The following CHRNA5 variants were observed in gnomAD, a reference collection of about 807,000 sequenced individuals.
CHRNA5 encodes cholinergic receptor nicotinic alpha 5 subunit.
In CHRNA5, 28 loss-of-function variants were observed where a neutral mutation model predicts 41.2. The ratio of observed to expected loss-of-function variants is 0.68; its 90% CI spans 0.50 to 0.93. CHRNA5 has a LOEUF of 0.93. Ranked by LOEUF, CHRNA5 falls within the 40% of genes least tolerant of loss-of-function variation. The probability of loss-of-function intolerance (pLI) is 0.00; values close to 1 mark genes in which losing one functional copy is unlikely to be tolerated. For missense variants in CHRNA5, 481 were observed against 581.9 expected (o/e 0.83, Z 1.78); for synonymous variants, 188 against 205.8 (o/e 0.91, Z 0.74).
chr15:78,565,530 C>G (rs906355297), exon 1 of CHRNA5: 8 of 206,898 alleles, frequency 3.9e-5, no homozygotes, highest in South Asian at 1.9e-4. Context: ...ACATGCGTCC[C>G]GAGCCCGCCA....
chr15:78,578,233 C>T (rs950281632), intron 1 of CHRNA5, among the ~76,000 whole-genome samples: 7 of 152,132 alleles, frequency 4.6e-5, no homozygotes, highest in Non-Finnish European at 1.0e-4. Flanking sequence ...TACTGCCTGG[C>T]GCAGTGGCTC....
chr15:78,579,635 T>C (rs1262784051), intron 1 of CHRNA5, among the ~76,000 whole-genome samples: 1 of 152,182 alleles, frequency 6.6e-6, no homozygotes. Flanking sequence ...TGGAAAGAGA[T>C]CATTCCTGTC....
intron 1 of CHRNA5, among the ~76,000 whole-genome samples, chr15:78,568,821 T>C (rs1409813817): frequency 6.6e-6 from 1 of 152,228 alleles, no homozygotes; most frequent in Non-Finnish European, 1.5e-5. Context: ...CTCATTCTTT[T>C]TTATGGCTGC....
rs1412015317 is a variant in CHRNA5 at position 78,565,766 on chromosome 15, T to C, written c.47T>C (p.Leu16Ser). The change falls in exon 1 of 6, where the codon TTG becomes TCG. Residue 16 changes from leucine (L) to serine (S), a missense_variant. Physicochemically the swap from Leu to Ser is moderately radical, Grantham distance 145. Coordinates refer to ENST00000299565, the Ensembl canonical transcript of CHRNA5. Reference sequence around the variant, plus strand: ...CCCCGCGCGCTCCGCCTGCTGCTCTTGGTCCAGCTGGTCGCGGGGCGCTGC... The same window carrying C: ...CCCCGCGCGCTCCGCCTGCTGCTCTCGGTCCAGCTGGTCGCGGGGCGCTGC... 2.5e-6 allele frequency: 3 copies of C among 1,215,382 alleles called. No homozygotes were observed. The highest frequency in any genetic ancestry group is 3.2e-4 in the Middle Eastern group (1 of 3,162). 75.3% of individuals were successfully genotyped at this position (1,215,382 alleles called of 1,614,324 possible). A position where few individuals can be genotyped will look rare whatever the true frequency, so the allele number is the denominator to read the frequency against.
intron 5 of CHRNA5, 177 bp downstream of exon 5, chr15:78,590,813 A>C: frequency 1.7e-6 from 1 of 585,336 alleles, no homozygotes; most frequent in Non-Finnish European, 2.9e-6. Context: ...GTTTCAGTTA[A>C]AGCACCTGCA....
At chr15:78,589,943 T>G in exon 5 of CHRNA5, 1 of 1,614,168 alleles carries the variant, frequency 6.2e-7, no homozygotes, top group Non-Finnish European at 8.5e-7. Context: ...TTCAGAACTG[T>G]TCCATGAAAT....
chr15:78,591,608 C>T (rs1009460872), intron 5 of CHRNA5, among the ~76,000 whole-genome samples: 3 of 152,120 alleles, frequency 2.0e-5, no homozygotes, highest in Non-Finnish European at 4.4e-5. Flanking sequence ...CTGGCAAAAT[C>T]ACAGCCTTTA....
intron 4 of CHRNA5, chr15:78,589,162 A>G (rs2141420436): frequency 6.6e-6 from 1 of 152,340 alleles, no homozygotes; most frequent in South Asian, 2.1e-4. Context: ...CAGTAATTGA[A>G]AACATTTTTA....
chr15:78,565,596 C>G (rs1297206749), exon 1 of CHRNA5: 1 of 237,880 alleles, frequency 4.2e-6, no homozygotes, highest in Admixed American at 5.7e-5. Flanking sequence ...GGAGCGGCCC[C>G]TCTGCTGCGT....
At chr15:78,570,422 C>CTA in intron 1 of CHRNA5, among the ~76,000 whole-genome samples, 1 of 66,292 alleles carries the variant, frequency 1.5e-5, no homozygotes, top group East Asian at 1.3e-3. Flanking sequence ...CCAATCCCGG[C>CTA]TATTTTTTTT....
intron 2 of CHRNA5, among the ~76,000 whole-genome samples, chr15:78,582,721 G>C (rs558796046): frequency 2.0e-5 from 3 of 152,264 alleles, no homozygotes; most frequent in Non-Finnish European, 4.4e-5. Flanking sequence ...TGGCAGAGAG[G>C]AAAAGTATTT....
intron 1 of CHRNA5, among the ~76,000 whole-genome samples, chr15:78,577,010 T>A (rs759354729): frequency 4.6e-5 from 7 of 152,180 alleles, no homozygotes; most frequent in Admixed American, 6.5e-5. Context: ...AATGTCGATG[T>A]TGTCTGTTTT....
chr15:78,593,886 TG>T (rs1190095017), exon 6 of CHRNA5: 1 of 150,698 alleles, frequency 6.6e-6, no homozygotes, highest in Non-Finnish European at 1.5e-5. Context: ...ACTAAAAATA[TG>T]AAATTAGCCA....
chr15:78,587,666 T>C (rs75355296), intron 3 of CHRNA5, among the ~76,000 whole-genome samples: 1 of 60,500 alleles, frequency 1.7e-5, no homozygotes, highest in Admixed American at 2.6e-4. Flanking sequence ...ATGAAATGAA[T>C]TTTTTTTTAA....
At chr15:78,581,135 T>A (rs529694668) in intron 2 of CHRNA5, among the ~76,000 whole-genome samples, 173 bp downstream of exon 2, 1 of 152,382 alleles carries the variant, frequency 6.6e-6, no homozygotes, top group South Asian at 2.1e-4. Flanking sequence ...GATAACACAC[T>A]GTGTTTATAT....
intron 5 of CHRNA5, among the ~76,000 whole-genome samples, chr15:78,591,762 C>G (rs552548774): frequency 1.3e-5 from 2 of 152,010 alleles, no homozygotes; most frequent in Admixed American, 6.5e-5. Context: ...TGCATAAGTT[C>G]TTTCATGCTG....
intron 2 of CHRNA5, among the ~76,000 whole-genome samples, chr15:78,583,431 C>T (rs1175223880): frequency 1.3e-5 from 2 of 152,158 alleles, no homozygotes; most frequent in African/African-American, 4.8e-5. Context: ...CAGTGGCTCA[C>T]GCCTGTAATC....
At chr15:78,580,082 C>T (rs766789976) in intron 1 of CHRNA5, among the ~76,000 whole-genome samples, 118 of 151,816 alleles carry the variant, frequency 7.8e-4, no homozygotes, top group Non-Finnish European at 1.3e-3. Flanking sequence ...AAGTTCAAGA[C>T]CAGTCTGGCC....
At chr15:78,586,059 G>A (rs2052958581) in intron 2 of CHRNA5, among the ~76,000 whole-genome samples, 2 of 151,992 alleles carry the variant, frequency 1.3e-5, no homozygotes, top group Non-Finnish European at 2.9e-5. Context: ...CTCCCAAAGT[G>A]TTGGTATTAT....
Sources: gnomAD v4.1 joint callset for allele counts (sites outside exome capture counted in the v4.1 genomes callset) on GRCh38, gnomAD v4.1.1 for gene constraint, MANE v1.5 for transcripts, NCBI Gene and HGNC (gene_info 2026-07-23, HGNC 2026-07-21) for gene names.